The following PCDHGA7 variants were observed in gnomAD, a reference collection of about 807,000 sequenced individuals.
The protein encoded by PCDHGA7 is protocadherin gamma-A7.
A neutral mutation model predicts 58.3 loss-of-function variants in PCDHGA7; 44 were observed. That is an observed-to-expected ratio of 0.75 (90% CI 0.59 to 0.97). PCDHGA7 has a LOEUF of 0.97. Ranked by LOEUF, PCDHGA7 falls within the 50% of genes least tolerant of loss-of-function variation. PCDHGA7 has a pLI of 0.00. For synonymous variants in PCDHGA7, 516 were observed against 504.2 expected, an observed-to-expected ratio of 1.02 and a Z score of -0.31; for missense variants, 1,266 against 1,188.7, an observed-to-expected ratio of 1.06 and a Z score of -0.96.
In PCDHGA7 at chr5:141,461,525, A is replaced by T. The variant is rs966592635; in HGVS notation, c.2425-33282A>T. ...TTGGTGATTTGTTAGTTCCTTGTAGATTCTGGATACTAGTCCTTTGTCAGA... is the reference window on the plus strand; with the variant it reads ...TTGGTGATTTGTTAGTTCCTTGTAGTTTCTGGATACTAGTCCTTTGTCAGA... On this transcript the variant is annotated intron_variant, in intron 1 of 3. Coordinates refer to ENST00000518325, the MANE Select transcript of PCDHGA7 (RefSeq NM_018920.4). 5.3e-5 allele frequency among the ~76,000 whole-genome samples: 8 copies of T among 152,106 alleles called. No individual in the cohort carries two copies. The South Asian group carries it at 1.7e-3, about 31-fold the overall frequency.
At position 141,491,093 on chromosome 5, in the gene PCDHGA7, T is replaced by G; in HGVS notation, c.2425-3714T>G. The G allele has an allele frequency of 6.2e-7, 1 of 1,614,160 alleles. No individual in the cohort carries two copies. The highest frequency in any genetic ancestry group is 8.5e-7 in the Non-Finnish European group (1 of 1,180,008). On this transcript the variant is annotated intron_variant, in intron 1 of 3. Transcript: ENST00000518325. This position sits in a 1 kb window ranked among gnomAD's most constrained non-coding sequence, Gnocchi z 6.9. ...TTGCCACAGTCCACAGCCCCAGGAC[T>G]GTTCCTCGTGTCTACACACACTGGT... is the stretch of plus-strand genomic sequence containing the variant.
At chr5:141,498,361 T>C (rs1256361883) in intron 2 of PCDHGA7, among the ~76,000 whole-genome samples, 1 of 151,460 alleles carries the variant, frequency 6.6e-6, no homozygotes, top group African/African-American at 2.4e-5. Flanking sequence ...GCAAAAGCCT[T>C]GTGGTGAGGC....
chr5:141,509,873 G>C (rs2099878704), intron 3 of PCDHGA7, among the ~76,000 whole-genome samples: 1 of 152,196 alleles, frequency 6.6e-6, no homozygotes, highest in South Asian at 2.1e-4. Flanking sequence ...CAAGCTGCTG[G>C]TGGTGATGGT....
chr5:141,389,058 A>G, intron 1 of PCDHGA7: 2 of 1,614,020 alleles, frequency 1.2e-6, no homozygotes, highest in Non-Finnish European at 1.7e-6. Flanking sequence ...TCCATTTAAA[A>G]TATTAACTTC....
At chr5:141,422,289 T>G in intron 1 of PCDHGA7, 1 of 1,553,678 alleles carries the variant, frequency 6.4e-7, no homozygotes, top group African/African-American at 1.4e-5. Context: ...CCTCTTCTAT[T>G]AATTCAATTC....
chr5:141,390,728 G>A (rs550991911), intron 1 of PCDHGA7: 12 of 194,328 alleles, frequency 6.2e-5, no homozygotes, highest in Admixed American at 2.2e-4. Context: ...AATTTAACTG[G>A]TATGGTCTCC....
At position 141,403,190 on chromosome 5, in the gene PCDHGA7, C is replaced by G. The variant is rs768673759; in HGVS notation, c.2424+17867C>G. The G allele has an allele frequency of 1.1e-5, 17 of 1,613,864 alleles. No homozygotes were observed. The African/African-American group carries it at 2.0e-4, about 19-fold the overall frequency. On this transcript the variant is annotated intron_variant, in intron 1 of 3. Coordinates refer to ENST00000518325, the MANE Select transcript of PCDHGA7 (RefSeq NM_018920.4). ...GACGCAGCTTTTCTCTCTGAACCCG[C>G]GCAGCGGCACCTTGGTCACCGCGGG...
Position 141,487,297 on chromosome 5 carries a change from C to T in PCDHGA7, c.2425-7510C>T, listed in dbSNP as rs770262058. ...TTTGCTTTGTCTCCTTTGGCTCATT[C>T]GTGGCACTACTCTCTAAGTGTCTTC... On this transcript the variant is annotated intron_variant, in intron 1 of 3. Coordinates refer to ENST00000518325, the MANE Select transcript of PCDHGA7 (RefSeq NM_018920.4). This position sits in a 1 kb window ranked among gnomAD's most constrained non-coding sequence, Gnocchi z 5.0. The T allele has an allele frequency of 3.2e-5, 52 of 1,613,984 alleles. No homozygotes were observed. The highest frequency in any genetic ancestry group is 4.0e-5 in the African/African-American group (3 of 74,912).
chr5:141,457,942 T>C (rs2098933338), intron 1 of PCDHGA7, among the ~76,000 whole-genome samples: 1 of 152,226 alleles, frequency 6.6e-6, no homozygotes, highest in Non-Finnish European at 1.5e-5. Flanking sequence ...TTATTGGCTC[T>C]GCATGTCAAG....
chr5:141,454,917 C>T (rs1185153715), intron 1 of PCDHGA7, among the ~76,000 whole-genome samples: 1 of 149,330 alleles, frequency 6.7e-6, no homozygotes, highest in Non-Finnish European at 1.5e-5. Flanking sequence ...ACGCCATTCT[C>T]CTGCCTCAGC....
In PCDHGA7 at chr5:141,382,829, T is replaced by C; in HGVS notation, c.-71T>C. 7.3e-7 allele frequency: 1 copy of C among 1,376,168 alleles called. No homozygotes were observed. Among genetic ancestry groups the C allele is most frequent in the Non-Finnish European group, 9.9e-7 (1 of 1,009,688 alleles). 85.2% of individuals were successfully genotyped at this position (1,376,168 alleles called of 1,614,324 possible). On this transcript the variant is annotated 5_prime_UTR_variant, in exon 1 of 4. Coordinates refer to ENST00000518325, the MANE Select transcript of PCDHGA7 (RefSeq NM_018920.4). The stretch of plus-strand genomic sequence containing the variant: ...AGCTCCCCTTCCTAAGACAGAGGGG[T>C]CCACCCGGATACACCCGCATTCTGA...
intron 1 of PCDHGA7, among the ~76,000 whole-genome samples, chr5:141,471,120 C>T (rs560582806): frequency 6.7e-6 from 1 of 149,470 alleles, no homozygotes; most frequent in South Asian, 2.1e-4. Context: ...GCGATCTTAC[C>T]TTCACTGCAA....
In PCDHGA7 at chr5:141,485,042, C is replaced by T; in HGVS notation, c.2425-9765C>T. ...CAGCAAAAACGGCGCGTAACCCTTGCGGCGCCGGCCGAACCGCGCCAGAGC... is the reference window on the plus strand; with the variant it reads ...CAGCAAAAACGGCGCGTAACCCTTGTGGCGCCGGCCGAACCGCGCCAGAGC... On this transcript the variant is annotated intron_variant, in intron 1 of 3. Coordinates refer to ENST00000518325, the MANE Select transcript of PCDHGA7 (RefSeq NM_018920.4). This position sits in a 1 kb window ranked among gnomAD's most constrained non-coding sequence, Gnocchi z 5.7. 1 of 724,054 alleles carries T rather than the reference C, an allele frequency of 1.4e-6. No individual in the cohort carries two copies. Among genetic ancestry groups the T allele is most frequent in the South Asian group, 1.8e-5 (1 of 56,650 alleles). 44.9% of individuals were successfully genotyped at this position (724,054 alleles called of 1,614,324 possible). A position where few individuals can be genotyped will look rare whatever the true frequency, so the allele number is the denominator to read the frequency against.
intron 1 of PCDHGA7, chr5:141,422,834 G>A (rs1450583869): frequency 3.1e-6 from 5 of 1,614,230 alleles, no homozygotes; most frequent in East Asian, 2.2e-5. Context: ...GTGATAGCAC[G>A]TGACAGCGGG....
rs371823901 is a variant in PCDHGA7 at position 141,384,767 on chromosome 5, C to T, written c.1868C>T (p.Thr623Met). 6.8e-6 allele frequency: 11 copies of T among 1,613,806 alleles called. No individual in the cohort carries two copies. The African/African-American group carries it at 9.3e-5, about 14-fold the overall frequency. The stretch of plus-strand genomic sequence containing the variant: ...GGACTCTTTGCGGTTGGGCTGTACA[C>T]GGGCGAGGTGCGCACGGCTCGGGCC... Reference protein sequence around the residue: ...EPGLFAVGLYTGEVRTARALL... With the variant: ...EPGLFAVGLYMGEVRTARALL... Residue 623 changes from threonine to methionine, a missense_variant, in exon 1 of 4, where the codon ACG becomes ATG. Thr to Met is a moderately conservative substitution (Grantham distance 81). Coordinates refer to ENST00000518325, the MANE Select transcript of PCDHGA7 (RefSeq NM_018920.4).
At chr5:141,454,426 GAC>G (rs746508144) in intron 1 of PCDHGA7, among the ~76,000 whole-genome samples, 3 of 152,168 alleles carry the variant, frequency 2.0e-5, no homozygotes, top group Non-Finnish European at 2.9e-5. Context: ...TTTATTTAGA[GAC>G]AGAGTTTCAC....
intron 1 of PCDHGA7, chr5:141,484,865 G>A (rs1431313212): frequency 3.6e-6 from 1 of 278,548 alleles, no homozygotes; most frequent in Non-Finnish European, 6.7e-6. Flanking sequence ...GGGTGGGGGA[G>A]CGTGGAGGAT....
chr5:141,408,060 T>G (rs2095034623), intron 1 of PCDHGA7: 1 of 1,324,738 alleles, frequency 7.5e-7, no homozygotes, highest in Admixed American at 2.9e-5. Flanking sequence ...GCCTCCCGGC[T>G]GCGCAGACCT....
intron 1 of PCDHGA7, chr5:141,415,086 G>C: frequency 5.6e-6 from 9 of 1,613,554 alleles, no homozygotes; most frequent in Non-Finnish European, 6.8e-6. Context: ...GAGCCCTGCT[G>C]GACAGAGACG....
Sources: gnomAD v4.1 joint callset for allele counts (sites outside exome capture counted in the v4.1 genomes callset) on GRCh38, gnomAD v4.1.1 for gene constraint, Gnocchi (gnomAD v3.1) non-coding constraint, MANE v1.5 for transcripts, NCBI Gene and HGNC (gene_info 2026-07-23, HGNC 2026-07-21) for gene names.